Variants in KLHL2 observed in about 807,000 individuals in gnomAD.
KLHL2 encodes the protein kelch-like protein 2.
KLHL2 carries 15 observed loss-of-function variants against 75.8 expected under a neutral mutation model. That is an observed-to-expected ratio of 0.20 (90% CI 0.13 to 0.30). The LOEUF (loss-of-function observed/expected upper bound fraction) is 0.30, where lower values mean the gene tolerates loss of function less well. Ranked by LOEUF, KLHL2 falls within the 10% of genes least tolerant of loss-of-function variation. The pLI is 1.00. For synonymous variants in KLHL2, 214 were observed against 251.9 expected, an observed-to-expected ratio of 0.85 and a Z score of 1.42; for missense variants, 381 against 741.0, an observed-to-expected ratio of 0.51 and a Z score of 5.64.
At position 165,294,434 on chromosome 4, in the gene KLHL2, C is replaced by T. The variant is rs1744754411; in HGVS notation, c.620C>T (p.Ser207Leu). The stretch of plus-strand genomic sequence containing the variant: ...ATCGAACAAGTGTGCAGCTTAATCT[C>T]AAGTGACAAACTTACCATTTCTTCA... ...LGIEQVCSLI[S>L]SDKLTISSEE... Residue 207 changes from serine (S) to leucine (L), a missense_variant, in exon 6 of 15, where the codon TCA (serine) becomes TTA (leucine). Transcript: ENST00000226725. 3.1e-6 allele frequency: 5 copies of T among 1,606,966 alleles called. No homozygotes were observed. The highest frequency in any genetic ancestry group is 4.3e-6 in the Non-Finnish European group (5 of 1,174,114).
intron 2 of KLHL2, among the ~76,000 whole-genome samples, chr4:165,221,884 A>G (rs1210772416): frequency 6.6e-6 from 1 of 152,238 alleles, no homozygotes; most frequent in Non-Finnish European, 1.5e-5. Flanking sequence ...ATTAGAATGT[A>G]AAATGCATTG....
At chr4:165,303,805 C>T (rs1011536823) in intron 8 of KLHL2, among the ~76,000 whole-genome samples, 1 of 152,148 alleles carries the variant, frequency 6.6e-6, no homozygotes, top group South Asian at 2.1e-4. Context: ...TCAAAGCGAT[C>T]CAACCGCACT....
intron 14 of KLHL2, 103 bp downstream of exon 14, chr4:165,318,072 A>G: frequency 9.5e-7 from 1 of 1,047,720 alleles, no homozygotes; most frequent in Admixed American, 2.2e-5. Context: ...TCTTTTCTCA[A>G]GGTATAGTTT....
chr4:165,264,732 ATATATATG>A lies in KLHL2; in HGVS notation c.544+1381_544+1388del, dbSNP rs1292688408. 5.5e-3 allele frequency among the ~76,000 whole-genome samples: 447 copies of A among 80,766 alleles called. 7 individuals carry two copies. The highest frequency in any genetic ancestry group is 9.9e-3 in the East Asian group (22 of 2,232). 53.0% of individuals were successfully genotyped at this position (80,766 alleles called of 152,430 possible). A position where few individuals can be genotyped will look rare whatever the true frequency, so the allele number is the denominator to read the frequency against. ...TATATATATATATACATATATATAT[ATATATATG>A]TATATATATATATATATATATATAT... is the stretch of plus-strand genomic sequence containing the variant. On this transcript the variant is annotated intron_variant, in intron 5 of 14. Coordinates refer to ENST00000226725, the MANE Select transcript of KLHL2 (RefSeq NM_007246.4).
rs1453440807 is a variant in KLHL2, at chr4:165,319,445, T to A, written c.1753+1476T>A. On this transcript the variant is annotated intron_variant, in intron 14 of 14. Coordinates refer to ENST00000226725, the MANE Select transcript of KLHL2 (RefSeq NM_007246.4). This position sits in a 1 kb window ranked among gnomAD's most constrained non-coding sequence, Gnocchi z 4.5. ...TTGAGATATACCATGGATTGAGGTC[T>A]GCTGCTGCACTTGCCCACCATTTCA... Among the ~76,000 whole-genome samples, 1 of 152,212 alleles carries A rather than the reference T, an allele frequency of 6.6e-6. No homozygotes were observed. The highest frequency in any genetic ancestry group is 2.4e-5 in the African/African-American group (1 of 41,454).
chr4:165,215,952 G>C (rs1043724809), intron 1 of KLHL2, among the ~76,000 whole-genome samples: 53 of 152,186 alleles, frequency 3.5e-4, no homozygotes, highest in African/African-American at 1.2e-3. Context: ...GTGAGAAGGG[G>C]TGGTTATTTG....
intron 2 of KLHL2, chr4:165,223,865 G>T (rs547026008): frequency 1.5e-5 from 6 of 397,662 alleles, no homozygotes; most frequent in African/African-American, 1.3e-4. Flanking sequence ...GCAACACACT[G>T]TATTAGGTCT....
rs10024905 is a variant in KLHL2 at position 165,276,894 on chromosome 4, T to C, written c.544+13535T>C. ...AGAAAACTATTTGAATTATTGCTTG[T>C]GTTTGAAAACAGTATTTACTGTAGT... On this transcript the variant is annotated intron_variant, in intron 5 of 14. Transcript: ENST00000226725. Among the ~76,000 whole-genome samples the C allele has an allele frequency of 5.6e-3, 848 of 152,188 alleles. 9 individuals are homozygous for C. The highest frequency in any genetic ancestry group is 0.02 in the African/African-American group (818 of 41,452).
chr4:165,207,902 CGT>C lies in KLHL2; in HGVS notation c.26+2_26+3del. 1 of 1,432,432 alleles carries C rather than the reference CGT, an allele frequency of 7.0e-7. No individual in the cohort carries two copies. The highest frequency in any genetic ancestry group is 9.2e-7 in the Non-Finnish European group (1 of 1,085,220). 88.7% of individuals were successfully genotyped at this position (1,432,432 alleles called of 1,614,324 possible). On this transcript the variant is annotated splice_donor_variant, in intron 1 of 14. Coordinates refer to ENST00000226725, the MANE Select transcript of KLHL2 (RefSeq NM_007246.4). LOFTEE classifies it high-confidence loss of function. This position sits in a 1 kb window ranked among gnomAD's most constrained non-coding sequence, Gnocchi z 4.2. ...ATGGAGACGCCGCCGCTGCCTCCCG[CGT>C]GAGTGAGCGGGCGGGCGGGCTGCGC...
chr4:165,281,529 A>G (rs1305742598), intron 5 of KLHL2, among the ~76,000 whole-genome samples: 1 of 151,920 alleles, frequency 6.6e-6, no homozygotes, highest in Non-Finnish European at 1.5e-5. Context: ...GTTAGCCAGG[A>G]TGGTCTCGAT....
chr4:165,268,142 G>A (rs1394604028), intron 5 of KLHL2, among the ~76,000 whole-genome samples: 2 of 152,132 alleles, frequency 1.3e-5, no homozygotes, highest in Non-Finnish European at 2.9e-5. Flanking sequence ...GTATTGCTGT[G>A]GGATTGGTGG....
At chr4:165,237,157 A>G (rs980650796) in intron 3 of KLHL2, among the ~76,000 whole-genome samples, 5 of 152,058 alleles carry the variant, frequency 3.3e-5, no homozygotes, top group African/African-American at 1.2e-4. Context: ...AAGAGGCTTC[A>G]GTTTATACAG....
rs1399310246 is a variant in KLHL2 at position 165,319,987 on chromosome 4, G to T, written c.1753+2018G>T. Among the ~76,000 whole-genome samples, 1 of 152,128 alleles carries T rather than the reference G, an allele frequency of 6.6e-6. No individual in the cohort carries two copies. Among genetic ancestry groups the T allele is most frequent in the Non-Finnish European group, 1.5e-5 (1 of 68,030 alleles). Reference sequence around the variant, plus strand: ...ATTTCCTCAGCCTACTCAAGCAAAGGATGACTTGATAATTTTGGAAAGGGG... The same window carrying T: ...ATTTCCTCAGCCTACTCAAGCAAAGTATGACTTGATAATTTTGGAAAGGGG... On this transcript the variant is annotated intron_variant, in intron 14 of 14. Transcript: ENST00000226725. The surrounding 1 kb of genome is among the most constrained non-coding windows in gnomAD (Gnocchi z 4.5).
intron 5 of KLHL2, among the ~76,000 whole-genome samples, chr4:165,270,751 T>C (rs933581263): frequency 4.6e-5 from 7 of 152,024 alleles, no homozygotes; most frequent in African/African-American, 1.7e-4. Flanking sequence ...TACTGGGAGG[T>C]GTCTCCCAGT....
chr4:165,314,338 G>A (rs1357643984), intron 13 of KLHL2, among the ~76,000 whole-genome samples, 172 bp downstream of exon 13: 1 of 152,104 alleles, frequency 6.6e-6, no homozygotes, highest in East Asian at 1.9e-4. Flanking sequence ...ATCCTATAAA[G>A]TGAATGCCTG....
At chr4:165,273,959 C>T (rs1742882090) in intron 5 of KLHL2, among the ~76,000 whole-genome samples, 1 of 152,156 alleles carries the variant, frequency 6.6e-6, no homozygotes, top group African/African-American at 2.4e-5. Flanking sequence ...TCTATTTGTC[C>T]AGAAAATTTA....
chr4:165,229,199 T>C (rs1440126077), intron 3 of KLHL2, among the ~76,000 whole-genome samples: 1 of 152,252 alleles, frequency 6.6e-6, no homozygotes, highest in East Asian at 1.9e-4. Context: ...TTTGGCACTT[T>C]ATTATTTTGA....
At chr4:165,264,744 A>ATG (rs1742083433) in intron 5 of KLHL2, among the ~76,000 whole-genome samples, 1 of 64,996 alleles carries the variant, frequency 1.5e-5, no homozygotes, top group South Asian at 4.1e-4. Context: ...ATATATGTAT[A>ATG]TATATATATA....
intron 3 of KLHL2, among the ~76,000 whole-genome samples, chr4:165,232,878 CTTTTTTTTTTTTT>C (rs912954260): frequency 3.8e-5 from 2 of 52,586 alleles, no homozygotes; most frequent in Middle Eastern, 0.017. Flanking sequence ...CCCTGTTAAG[CTTTTTTTTTTTTT>C]TTTTTTTTTT....
Sources: gnomAD v4.1 joint callset for allele counts (sites outside exome capture counted in the v4.1 genomes callset) on GRCh38, gnomAD v4.1.1 for gene constraint, Gnocchi (gnomAD v3.1) non-coding constraint, MANE v1.5 for transcripts, NCBI Gene and HGNC (gene_info 2026-07-23, HGNC 2026-07-21) for gene names.